EIF4A1: variants seen among roughly 807,000 people sequenced by gnomAD.
EIF4A1 encodes eukaryotic initiation factor 4A-I.
A neutral mutation model predicts 53.5 loss-of-function variants in EIF4A1; 11 were observed. The ratio of observed to expected loss-of-function variants is 0.21; its 90% CI spans 0.13 to 0.34. EIF4A1 has a LOEUF of 0.34. Ranked by LOEUF, EIF4A1 falls within the 10% of genes least tolerant of loss-of-function variation. EIF4A1 has a pLI of 1.00. For synonymous variants in EIF4A1, 237 were observed against 186.7 expected (o/e 1.27, Z -2.20); for missense variants, 213 against 530.8 (o/e 0.40, Z 5.88).
At chr17:7,574,226 G>A (rs773520284) in intron 1 of EIF4A1, 34 bp from the exon 2 acceptor site, 3 of 1,613,516 alleles carry the variant, frequency 1.9e-6, no homozygotes, top group Non-Finnish European at 2.5e-6. Context: ...GCTTCGGTCG[G>A]GCAGGGGACA....
chr17:7,574,398 C>T lies in EIF4A1; in HGVS notation c.72+90C>T. ...TGGCCTCTTGATTGATTTCCCAGAT[C>T]ATCTAGAAGCAGCTGGTTTCCCTAA... On this transcript the variant is annotated intron_variant, in intron 2 of 10. Coordinates refer to ENST00000293831, the MANE Select transcript of EIF4A1 (RefSeq NM_001416.4). 3 of 1,606,242 alleles carry T rather than the reference C, an allele frequency of 1.9e-6. No individual in the cohort carries two copies. In the Admixed American group the frequency reaches 5.0e-5, roughly 27 times the overall value.
Position 7,578,432 on chromosome 17 carries a change from C to T in EIF4A1, c.1167C>T (p.Thr389=), listed in dbSNP as rs573872328. The T allele has an allele frequency of 8.7e-6, 14 of 1,613,576 alleles. No individual in the cohort carries two copies. The Admixed American group carries it at 1.7e-4, about 19-fold the overall frequency. Residue 389 remains threonine, a synonymous_variant, in exon 11 of 11, where the codon ACC becomes ACT. Coordinates refer to ENST00000293831, the MANE Select transcript of EIF4A1 (RefSeq NM_001416.4). ...EDKRTLRDIE[T]FYNTSIEEMP... ...AGAGGACTCTTCGAGACATTGAGAC[C>T]TTCTACAACACCTCCATTGAGGAAA... is the stretch of plus-strand genomic sequence containing the variant.
In EIF4A1 at chr17:7,578,694, T is replaced by G; in HGVS notation, c.*208T>G. ...AGGCTCTTGCCCCAGGCGCCGGCTC[T>G]TCTCCCAAAAAAAAAAAAAAAACAC... is the stretch of plus-strand genomic sequence containing the variant. On this transcript the variant is annotated 3_prime_UTR_variant, in exon 11 of 11. Transcript: ENST00000293831. 1 of 421,234 alleles carries G rather than the reference T, an allele frequency of 2.4e-6. No individual in the cohort carries two copies. Among genetic ancestry groups the G allele is most frequent in the Non-Finnish European group, 4.0e-6 (1 of 251,426 alleles). The allele number at this position is 421,234 out of a possible 1,614,324, so 26.1% of individuals were successfully genotyped here. A position where few individuals can be genotyped will look rare whatever the true frequency, so the allele number is the denominator to read the frequency against.
rs201454523 is a variant in EIF4A1 at position 7,578,151 on chromosome 17, C to T, written c.997-14C>T. The T allele has an allele frequency of 6.5e-5, 105 of 1,614,168 alleles. No individual in the cohort carries two copies. Among genetic ancestry groups the T allele is most frequent in the Non-Finnish European group, 8.5e-5 (100 of 1,180,024 alleles). Reference sequence around the variant, plus strand: ...CTCCGTGCACATGCTGAAGAGTTGTCTTTCTTGACGTAGGCCAGAGGCATT... The same window carrying T: ...CTCCGTGCACATGCTGAAGAGTTGTTTTTCTTGACGTAGGCCAGAGGCATT... On this transcript the variant is annotated splice_polypyrimidine_tract_variant and intron_variant, in intron 9 of 10. Coordinates refer to ENST00000293831, the MANE Select transcript of EIF4A1 (RefSeq NM_001416.4).
rs761560360 is a variant in EIF4A1 at position 7,576,703 on chromosome 17, C to A, written c.514+11C>A. 1.0e-5 allele frequency: 16 copies of A among 1,591,810 alleles called. No individual in the cohort carries two copies. Among genetic ancestry groups the A allele is most frequent in the African/African-American group, 1.3e-5 (1 of 74,408 alleles). On this transcript the variant is annotated intron_variant, in intron 5 of 10. Transcript: ENST00000293831. ...ACCGGAGATACCTGTGTGAGTAATT[C>A]GGTTCTCCAATCCCCTGGGTCACTT...
At position 7,577,227 on chromosome 17, in the gene EIF4A1, C is replaced by G; in HGVS notation, c.624+62C>G. 4 of 1,570,062 alleles carry G rather than the reference C, an allele frequency of 2.5e-6. No homozygotes were observed. Among genetic ancestry groups the G allele is most frequent in the Non-Finnish European group, 3.4e-6 (4 of 1,160,610 alleles). ...GAAAAATAGTAAGTGCCAGGGGAACCATATACTGGATTCTTGAGCCTTTTT... is the reference window on the plus strand; with the variant it reads ...GAAAAATAGTAAGTGCCAGGGGAACGATATACTGGATTCTTGAGCCTTTTT... On this transcript the variant is annotated intron_variant, in intron 6 of 10. Coordinates refer to ENST00000293831, the MANE Select transcript of EIF4A1 (RefSeq NM_001416.4). The surrounding 1 kb of genome is among the most constrained non-coding windows in gnomAD (Gnocchi z 4.7).
chr17:7,574,230 G>A (rs763388396), intron 1 of EIF4A1, 30 bp from the exon 2 acceptor site: 5 of 1,613,630 alleles, frequency 3.1e-6, no homozygotes, highest in Non-Finnish European at 3.4e-6. Context: ...CGGTCGGGCA[G>A]GGGACAAAAC....
In EIF4A1 at chr17:7,572,881, C is replaced by T. The variant is rs1349814302; in HGVS notation, c.23+17C>T. 1.2e-6 allele frequency: 2 copies of T among 1,614,180 alleles called. No individual in the cohort carries two copies. The highest frequency in any genetic ancestry group is 1.7e-6 in the Non-Finnish European group (2 of 1,179,986). ...GGATTCCCGGTAAGAAAGGCATTTG[C>T]AAGAGATTGTGGCTGCTTATTTTGC... On this transcript the variant is annotated intron_variant, in intron 1 of 10. Coordinates refer to ENST00000293831, the MANE Select transcript of EIF4A1 (RefSeq NM_001416.4).
Position 7,577,509 on chromosome 17 carries a change from G to C in EIF4A1, c.768+22G>C, listed in dbSNP as rs751236029. 1.9e-6 allele frequency: 3 copies of C among 1,613,574 alleles called. No homozygotes were observed. The highest frequency in any genetic ancestry group is 2.5e-6 in the Non-Finnish European group (3 of 1,179,812). On this transcript the variant is annotated intron_variant, in intron 7 of 10. Coordinates refer to ENST00000293831, the MANE Select transcript of EIF4A1 (RefSeq NM_001416.4). The surrounding 1 kb of genome is among the most constrained non-coding windows in gnomAD (Gnocchi z 4.7). ...AGAGGTGGGGCCCAGTGCAGGAGGC[G>C]GGCCTGGTAGTGAGTTGTTGGGTAT... is the stretch of plus-strand genomic sequence containing the variant.
intron 1 of EIF4A1, 100 bp downstream of exon 1, chr17:7,572,964 G>A: frequency 6.2e-6 from 10 of 1,607,950 alleles, no homozygotes; most frequent in Non-Finnish European, 7.7e-6. Flanking sequence ...GGTTGCGGGA[G>A]AAACCGAACC....
intron 1 of EIF4A1, 77 bp downstream of exon 1, chr17:7,572,941 A>G (rs2071343087): frequency 5.0e-6 from 8 of 1,613,094 alleles, no homozygotes; most frequent in Non-Finnish European, 6.8e-6. Flanking sequence ...GGGGTAGCTG[A>G]GAGGCCCACC....
At chr17:7,574,860 G>C in intron 3 of EIF4A1, 182 bp downstream of exon 3, 1 of 1,163,474 alleles carries the variant, frequency 8.6e-7, no homozygotes, top group Non-Finnish European at 1.3e-6. Flanking sequence ...TTCCTTTAAA[G>C]AGGTGGTATT....
chr17:7,574,172 T>C (rs572136441), intron 1 of EIF4A1, 88 bp from the exon 2 acceptor site: 2 of 1,498,770 alleles, frequency 1.3e-6, no homozygotes, highest in East Asian at 2.3e-5. Flanking sequence ...GATGGCATCA[T>C]GCAGGCCACT....
chr17:7,577,037 CTTT>C lies in EIF4A1; in HGVS notation c.515-12_515-10del, dbSNP rs767835311. ...TCCCTAATCATATGCTATATATTGG[CTTT>C]TTTTTTCTTCTCTAGCCCCCAAATA... is the stretch of plus-strand genomic sequence containing the variant. On this transcript the variant is annotated splice_polypyrimidine_tract_variant and intron_variant, in intron 5 of 10. Coordinates refer to ENST00000293831, the MANE Select transcript of EIF4A1 (RefSeq NM_001416.4). This position sits in a 1 kb window ranked among gnomAD's most constrained non-coding sequence, Gnocchi z 4.7. The C allele has an allele frequency of 6.2e-7, 1 of 1,604,060 alleles. No homozygotes were observed. Among genetic ancestry groups the C allele is most frequent in the Admixed American group, 1.7e-5 (1 of 59,680 alleles).
At chr17:7,574,356 G>A (rs748162531) in intron 2 of EIF4A1, 48 bp downstream of exon 2, 1 of 1,613,714 alleles carries the variant, frequency 6.2e-7, no homozygotes, top group South Asian at 1.1e-5. Context: ...ACAACTTTCA[G>A]CCGTATAGAG....
chr17:7,574,239 A>T (rs1024784562), intron 1 of EIF4A1, 21 bp from the exon 2 acceptor site: 2 of 1,613,954 alleles, frequency 1.2e-6, no homozygotes, highest in Non-Finnish European at 1.7e-6. Context: ...AGGGGACAAA[A>T]CTTATGCTTT....
chr17:7,573,885 A>C, intron 1 of EIF4A1: 1 of 194,140 alleles, frequency 5.2e-6, no homozygotes. Flanking sequence ...GAAGGGCGGG[A>C]CTTCCAGCGC....
chr17:7,576,868 C>T (rs775244497), intron 5 of EIF4A1, 176 bp downstream of exon 5: 1 of 1,370,656 alleles, frequency 7.3e-7, no homozygotes, highest in Non-Finnish European at 1.0e-6. Flanking sequence ...GCCAGTGCAG[C>T]CCTGGCAGTG....
chr17:7,576,824 G>A, intron 5 of EIF4A1, 132 bp downstream of exon 5: 2 of 1,490,594 alleles, frequency 1.3e-6, no homozygotes, highest in South Asian at 1.2e-5. Context: ...CTGTGATGGA[G>A]CCCATGCGTG....
Sources: gnomAD v4.1 joint callset for allele counts on GRCh38, gnomAD v4.1.1 for gene constraint, Gnocchi (gnomAD v3.1) non-coding constraint, MANE v1.5 for transcripts, NCBI Gene and HGNC (gene_info 2026-07-23, HGNC 2026-07-21) for gene names.